GALNT2: variants seen among roughly 807,000 people sequenced by gnomAD.
GALNT2 encodes the protein UDP-GalNAc:polypeptide N-acetylgalactosaminyltransferase 2.
In GALNT2, 31 loss-of-function variants were observed where a neutral mutation model predicts 81.4. The ratio of observed to expected loss-of-function variants is 0.38; its 90% CI spans 0.29 to 0.51. The LOEUF is 0.51. GALNT2 is among the 20% of genes least tolerant of loss of function. The pLI, the probability that GALNT2 is intolerant of heterozygous loss-of-function variation, is 0.87. For missense variants in GALNT2, 629 were observed against 765.7 expected, an observed-to-expected ratio of 0.82 and a Z score of 2.11; for synonymous variants, 303 against 287.4, an observed-to-expected ratio of 1.05 and a Z score of -0.55.
chr1:230,216,952 G>C (rs779769513), intron 3 of GALNT2, among the ~76,000 whole-genome samples: 1 of 152,074 alleles, frequency 6.6e-6, no homozygotes, highest in Non-Finnish European at 1.5e-5. Flanking sequence ...TATTGTACTT[G>C]GATTTAAAGT....
At chr1:230,252,170 G>A (rs1665564092) in intron 10 of GALNT2, among the ~76,000 whole-genome samples, 1 of 152,140 alleles carries the variant, frequency 6.6e-6, no homozygotes, top group Admixed American at 6.5e-5. Context: ...TTTCTCCTTA[G>A]CACTGCTCTA....
chr1:230,060,187 C>A (rs1659011415), intron 1 of GALNT2, among the ~76,000 whole-genome samples: 1 of 152,202 alleles, frequency 6.6e-6, no homozygotes, highest in South Asian at 2.1e-4. Flanking sequence ...AAACCACTTA[C>A]TTTACAGAAT....
At chr1:230,121,866 A>T (rs1661025907) in intron 1 of GALNT2, among the ~76,000 whole-genome samples, 1 of 151,820 alleles carries the variant, frequency 6.6e-6, no homozygotes, top group East Asian at 1.9e-4. Flanking sequence ...GGGATTTAGA[A>T]TGTATTTATT....
At chr1:230,157,099 TA>T (rs1331226643) in intron 1 of GALNT2, among the ~76,000 whole-genome samples, 1 of 152,224 alleles carries the variant, frequency 6.6e-6, no homozygotes, top group Non-Finnish European at 1.5e-5. Flanking sequence ...AGGCCTCGTG[TA>T]CTGTGGTCAT....
At chr1:230,166,033 T>G (rs1257891781) in intron 1 of GALNT2, among the ~76,000 whole-genome samples, 1 of 152,226 alleles carries the variant, frequency 6.6e-6, no homozygotes, top group Admixed American at 6.5e-5. Context: ...ATGAACCGCC[T>G]TAACCCCTGT....
At chr1:230,158,241 C>T (rs903021117) in intron 1 of GALNT2, among the ~76,000 whole-genome samples, 1 of 151,986 alleles carries the variant, frequency 6.6e-6, no homozygotes, top group Non-Finnish European at 1.5e-5. Context: ...GGATGAGTAG[C>T]GTGGGGAGAT....
Position 230,157,095 on chromosome 1 carries a change from C to T in GALNT2, c.127-21123C>T, listed in dbSNP as rs548283160. On this transcript the variant is annotated intron_variant, in intron 1 of 15. Coordinates refer to ENST00000366672, the MANE Select transcript of GALNT2 (RefSeq NM_004481.5). ...CCAGGAGGGCTCTCATTTAAGGCCT[C>T]GTGTACTGTGGTCATTTGACCTTGG... 3.7e-4 allele frequency among the ~76,000 whole-genome samples: 57 copies of T among 152,256 alleles called. No individual in the cohort carries two copies. The South Asian group carries it at 4.8e-3, about 13-fold the overall frequency.
intron 10 of GALNT2, among the ~76,000 whole-genome samples, chr1:230,253,212 T>C (rs373171500): frequency 2.0e-4 from 31 of 152,320 alleles, no homozygotes; most frequent in African/African-American, 6.5e-4. Flanking sequence ...CTGCTTATGC[T>C]TATGTGATTG....
chr1:230,263,762 T>G (rs1665950032), intron 13 of GALNT2: 1 of 152,256 alleles, frequency 6.6e-6, no homozygotes, highest in Admixed American at 6.5e-5. Context: ...TTCCTTATTC[T>G]AAATATTCCC....
chr1:230,178,364 G>T (rs1663053571), intron 2 of GALNT2, 53 bp downstream of exon 2: 2 of 1,352,630 alleles, frequency 1.5e-6, no homozygotes, highest in African/African-American at 1.4e-5. Flanking sequence ...ATTGGGAGTG[G>T]ACTGAGCATG....
intron 1 of GALNT2, among the ~76,000 whole-genome samples, chr1:230,106,468 A>G (rs1660549053): frequency 6.6e-6 from 1 of 152,168 alleles, no homozygotes; most frequent in Non-Finnish European, 1.5e-5. Context: ...CAGCCACCTG[A>G]GGTTGTGACT....
At chr1:230,204,752 C>T (rs1038415536) in intron 3 of GALNT2, among the ~76,000 whole-genome samples, 1 of 152,154 alleles carries the variant, frequency 6.6e-6, no homozygotes, top group Admixed American at 6.5e-5. Flanking sequence ...CTTGGTATAT[C>T]TTCCTGCTAA....
chr1:230,255,489 G>A (rs996725819), intron 11 of GALNT2, 145 bp downstream of exon 11: 45 of 1,063,124 alleles, frequency 4.2e-5, no homozygotes, highest in East Asian at 1.6e-4. Flanking sequence ...ATTGAAAGGC[G>A]CATTCCACGG....
intron 1 of GALNT2, among the ~76,000 whole-genome samples, chr1:230,089,406 G>A (rs1335104001): frequency 6.6e-6 from 1 of 152,016 alleles, no homozygotes; most frequent in Non-Finnish European, 1.5e-5. Context: ...GCCCACCTCG[G>A]CCTCCCAAAG....
chr1:230,208,744 T>C (rs1212922881), intron 3 of GALNT2, among the ~76,000 whole-genome samples: 1 of 152,200 alleles, frequency 6.6e-6, no homozygotes, highest in East Asian at 1.9e-4. Context: ...TCAGGAGATA[T>C]AATTTTATGA....
chr1:230,075,697 G>A (rs2102747529), intron 1 of GALNT2, among the ~76,000 whole-genome samples: 1 of 152,332 alleles, frequency 6.6e-6, no homozygotes, highest in Admixed American at 6.5e-5. Context: ...GGGCTGCGGG[G>A]AGCCAGACAG....
intron 1 of GALNT2, among the ~76,000 whole-genome samples, chr1:230,149,073 G>A (rs750028259): frequency 5.9e-5 from 9 of 152,020 alleles, no homozygotes; most frequent in African/African-American, 9.7e-5. Context: ...TAGAGACGGC[G>A]TTTCTCCATA....
chr1:230,107,095 C>T (rs1660566218), intron 1 of GALNT2, among the ~76,000 whole-genome samples: 1 of 152,196 alleles, frequency 6.6e-6, no homozygotes, highest in South Asian at 2.1e-4. Flanking sequence ...TCAGAAGTTG[C>T]ATCTCGTCAG....
chr1:230,243,222 C>T lies in GALNT2; in HGVS notation c.608-84C>T. On this transcript the variant is annotated intron_variant, in intron 6 of 15. Coordinates refer to ENST00000366672, the MANE Select transcript of GALNT2 (RefSeq NM_004481.5). The surrounding 1 kb of genome is among the most constrained non-coding windows in gnomAD (Gnocchi z 4.2). ...AGAAAGCAGGCTGCAGAGCTGCGGG[C>T]AGGGAGGCGTCGCCGGTTGGCATGG... The T allele has an allele frequency of 2.0e-6, 3 of 1,480,240 alleles. No individual in the cohort carries two copies. Among genetic ancestry groups the T allele is most frequent in the Middle Eastern group, 1.8e-4 (1 of 5,596 alleles). The allele number at this position is 1,480,240 out of a possible 1,614,324, so 91.7% of individuals were successfully genotyped here.
Sources: allele counts gnomAD v4.1 joint callset (sites outside exome capture counted in the v4.1 genomes callset), GRCh38; gene constraint gnomAD v4.1.1; non-coding constraint Gnocchi (gnomAD v3.1); transcripts MANE v1.5; gene names NCBI Gene and HGNC (gene_info 2026-07-23, HGNC 2026-07-21).